TNRC6C: variants seen among roughly 807,000 people sequenced by gnomAD.
TNRC6C encodes the protein trinucleotide repeat containing adaptor 6C, also known as trinucleotide repeat-containing gene 6C protein.
Under a neutral mutation model 153.7 loss-of-function variants are expected in TNRC6C, and 20 were observed. The ratio of observed to expected loss-of-function variants is 0.13; its 90% CI spans 0.09 to 0.19. The LOEUF is 0.19. Ranked by LOEUF, TNRC6C falls within the 10% of genes least tolerant of loss-of-function variation. TNRC6C has a pLI of 1.00. For missense variants in TNRC6C, 1,987 were observed against 2,172.0 expected (o/e 0.91, Z 1.69); for synonymous variants, 811 against 841.4 (o/e 0.96, Z 0.63).
chr17:77,959,310 T>G (rs1005194396), intron 1 of TNRC6C, 42 bp downstream of exon 1: 22 of 151,696 alleles, frequency 1.5e-4, no homozygotes, highest in African/African-American at 4.8e-4. Context: ...CAGCCGCAAC[T>G]TTGCCGGGAG....
chr17:77,990,289 A>G (rs529730667), intron 1 of TNRC6C, among the ~76,000 whole-genome samples: 6 of 152,290 alleles, frequency 3.9e-5, no homozygotes, highest in African/African-American at 9.6e-5. Context: ...CTTGTAATCT[A>G]TTCCACATAG....
At chr17:77,965,202 G>A (rs2070888102) in intron 1 of TNRC6C, among the ~76,000 whole-genome samples, 1 of 152,150 alleles carries the variant, frequency 6.6e-6, no homozygotes, top group Non-Finnish European at 1.5e-5. Flanking sequence ...AGGAGATGAA[G>A]CCAGAATTTA....
chr17:78,084,140 C>A (rs184363284), intron 11 of TNRC6C, among the ~76,000 whole-genome samples: 3 of 151,988 alleles, frequency 2.0e-5, no homozygotes, highest in African/African-American at 7.2e-5. Context: ...AAAAATTAGC[C>A]GGGCATGATG....
chr17:78,101,418 C>T (rs531067246), intron 17 of TNRC6C, among the ~76,000 whole-genome samples: 45 of 152,288 alleles, frequency 3.0e-4, no homozygotes, highest in African/African-American at 8.7e-4. Context: ...CACATTCTCC[C>T]GTCTATTTCT....
intron 17 of TNRC6C, among the ~76,000 whole-genome samples, chr17:78,100,833 T>C (rs568641733): frequency 7.1e-6 from 1 of 141,798 alleles, no homozygotes; most frequent in Admixed American, 7.8e-5. Context: ...CGGAGTACAG[T>C]GGCGTGATCT....
Position 78,049,866 on chromosome 17 carries a change from G to C in TNRC6C, c.804G>C (p.Gly268=). 1 of 1,614,036 alleles carries C rather than the reference G, an allele frequency of 6.2e-7. No homozygotes were observed. Among genetic ancestry groups the C allele is most frequent in the African/African-American group, 1.3e-5 (1 of 75,052 alleles). The change falls in exon 3 of 20, where the codon GGG becomes GGC. Residue 268 remains glycine, a synonymous_variant. Coordinates refer to ENST00000301624, the Ensembl canonical transcript of TNRC6C. The surrounding 1 kb of genome is among the most constrained non-coding windows in gnomAD (Gnocchi z 4.1). ...ATAGCAATTCTGGGTTCAGTCAGGG[G>C]AATGGAGACACTGTGAACTCAGCAT...
chr17:78,012,723 C>T (rs899347537), intron 1 of TNRC6C, among the ~76,000 whole-genome samples: 5 of 152,002 alleles, frequency 3.3e-5, no homozygotes, highest in Admixed American at 3.3e-4. Context: ...AAGGAAAGTA[C>T]AAAAAAGAAA....
intron 2 of TNRC6C, among the ~76,000 whole-genome samples, chr17:78,045,575 A>G (rs1310030779): frequency 6.6e-6 from 1 of 152,200 alleles, no homozygotes; most frequent in Admixed American, 6.5e-5. Flanking sequence ...CTGATTGGTG[A>G]CTTCAGCTAG....
At chr17:77,992,043 A>G (rs1053298469) in intron 1 of TNRC6C, among the ~76,000 whole-genome samples, 2 of 152,182 alleles carry the variant, frequency 1.3e-5, no homozygotes, top group Non-Finnish European at 2.9e-5. Flanking sequence ...GAAGTCATCT[A>G]TTTGAAAGAC....
At chr17:78,056,317 C>T (rs1262880405) in intron 3 of TNRC6C, among the ~76,000 whole-genome samples, 1 of 151,622 alleles carries the variant, frequency 6.6e-6, no homozygotes, top group Non-Finnish European at 1.5e-5. Context: ...ACCACCATGC[C>T]TGGCTAATTT....
chr17:78,076,815 A>C (rs2144361216), intron 8 of TNRC6C, among the ~76,000 whole-genome samples: 1 of 152,342 alleles, frequency 6.6e-6, no homozygotes, highest in East Asian at 1.9e-4. Flanking sequence ...ATGGAATTCA[A>C]CCTAATGTAC....
intron 1 of TNRC6C, among the ~76,000 whole-genome samples, chr17:78,020,137 A>G (rs2071804277): frequency 1.3e-5 from 2 of 152,242 alleles, no homozygotes; most frequent in Non-Finnish European, 1.5e-5. Flanking sequence ...CAACTGGGTC[A>G]GAATTCCGCA....
intron 1 of TNRC6C, among the ~76,000 whole-genome samples, chr17:78,024,409 C>T (rs1289214900): frequency 6.6e-6 from 1 of 151,982 alleles, no homozygotes; most frequent in African/African-American, 2.4e-5. Context: ...CTCTGTCTCC[C>T]AGGCTGGAGT....
chr17:78,018,727 CTT>C (rs2071777598), intron 1 of TNRC6C, among the ~76,000 whole-genome samples: 1 of 152,148 alleles, frequency 6.6e-6, no homozygotes, highest in African/African-American at 2.4e-5. Context: ...AGGGATCTCT[CTT>C]TTGTTCCTTG....
At chr17:78,087,469 G>C (rs971682010) in intron 13 of TNRC6C, among the ~76,000 whole-genome samples, 2 of 142,100 alleles carry the variant, frequency 1.4e-5, no homozygotes, top group Non-Finnish European at 3.0e-5. Flanking sequence ...TAGAGCAGGA[G>C]TTTTGCCGCT....
chr17:78,031,576 C>T (rs2072075359), exon 2 of TNRC6C: 4 of 1,232,344 alleles, frequency 3.2e-6, no homozygotes, highest in Non-Finnish European at 4.0e-6. Context: ...AGTACCAGTA[C>T]TTCCACCAGC....
chr17:77,964,126 G>A (rs976584670), intron 1 of TNRC6C, among the ~76,000 whole-genome samples: 1 of 152,154 alleles, frequency 6.6e-6, no homozygotes, highest in East Asian at 1.9e-4. Context: ...ACTTTCTCAT[G>A]AACCTTTTTG....
At chr17:77,979,538 A>C (rs1224342942) in intron 1 of TNRC6C, among the ~76,000 whole-genome samples, 1 of 152,198 alleles carries the variant, frequency 6.6e-6, no homozygotes, top group Non-Finnish European at 1.5e-5. Flanking sequence ...AAGCACAGAG[A>C]GACAAAAGGA....
chr17:78,029,811 AC>A (rs2072026227), intron 1 of TNRC6C, among the ~76,000 whole-genome samples: 1 of 48,862 alleles, frequency 2.0e-5, no homozygotes, highest in South Asian at 7.4e-4. Flanking sequence ...AAACCTAGAC[AC>A]ACACACACAC....
Sources: allele counts gnomAD v4.1 joint callset (sites outside exome capture counted in the v4.1 genomes callset), GRCh38; gene constraint gnomAD v4.1.1; non-coding constraint Gnocchi (gnomAD v3.1); transcripts MANE v1.5; gene names NCBI Gene and HGNC (gene_info 2026-07-23, HGNC 2026-07-21).